Variants in FAR2 observed in about 807,000 individuals in gnomAD.
FAR2 encodes epididymis secretory protein Li 81.
Under a neutral mutation model 56.0 loss-of-function variants are expected in FAR2, and 19 were observed. The observed-to-expected ratio is 0.34, with a 90% CI of 0.24 to 0.50. The LOEUF is 0.50. Ranked by LOEUF, FAR2 falls within the 20% of genes least tolerant of loss-of-function variation. FAR2 has a pLI of 0.98. For missense variants in FAR2, 508 were observed against 642.2 expected (o/e 0.79, Z 2.26); for synonymous variants, 219 against 218.8 (o/e 1.00, Z -0.01).
intron 1 of FAR2, among the ~76,000 whole-genome samples, chr12:29,208,593 G>A (rs974996349): frequency 1.3e-5 from 2 of 152,010 alleles, no homozygotes; most frequent in South Asian, 2.1e-4. Flanking sequence ...GTAATTCTGC[G>A]TTATTCAGGT....
intron 1 of FAR2, among the ~76,000 whole-genome samples, chr12:29,199,609 A>G (rs1947379564): frequency 2.5e-5 from 2 of 79,480 alleles, no homozygotes; most frequent in South Asian, 7.3e-4. Flanking sequence ...CAAAAAAAAA[A>G]AAAAAAGAAA....
At chr12:29,203,999 CAAAAA>C (rs34399942) in intron 1 of FAR2, among the ~76,000 whole-genome samples, 79 of 68,102 alleles carry the variant, frequency 1.2e-3, no homozygotes, top group African/African-American at 4.6e-3. Context: ...GATTCCATCT[CAAAAA>C]AAAAAAAAAA....
chr12:29,155,654 T>C (rs1417245711), intron 1 of FAR2, among the ~76,000 whole-genome samples: 3 of 152,336 alleles, frequency 2.0e-5, no homozygotes, highest in Non-Finnish European at 2.9e-5. Flanking sequence ...ATTTAACGTA[T>C]ATGAAATTTA....
chr12:29,224,603 T>G (rs1382825550), intron 1 of FAR2, among the ~76,000 whole-genome samples: 1 of 152,200 alleles, frequency 6.6e-6, no homozygotes, highest in African/African-American at 2.4e-5. Context: ...AACTTCAAAG[T>G]ACTCAGAAGG....
chr12:29,330,560 T>C (rs531179803), intron 10 of FAR2, among the ~76,000 whole-genome samples: 3 of 152,316 alleles, frequency 2.0e-5, no homozygotes, highest in African/African-American at 4.8e-5. Context: ...AAATATAACA[T>C]TTAATTTGCA....
chr12:29,332,788 G>A, intron 11 of FAR2, 61 bp downstream of exon 11: 1 of 1,470,320 alleles, frequency 6.8e-7, no homozygotes, highest in Non-Finnish European at 9.4e-7. Flanking sequence ...CTTTATACCA[G>A]ACATAACATT....
intron 1 of FAR2, among the ~76,000 whole-genome samples, chr12:29,203,243 C>T (rs1361422450): frequency 1.3e-5 from 2 of 152,170 alleles, no homozygotes; most frequent in Non-Finnish European, 1.5e-5. Flanking sequence ...GACATTCTAA[C>T]AAGCCAGGAC....
chr12:29,315,982 A>T (rs1324472135), intron 8 of FAR2, among the ~76,000 whole-genome samples: 1 of 152,172 alleles, frequency 6.6e-6, no homozygotes. Context: ...TAATGCCACA[A>T]ATGTTTCAAT....
At chr12:29,187,667 T>G (rs1296333776) in intron 1 of FAR2, among the ~76,000 whole-genome samples, 3 of 152,228 alleles carry the variant, frequency 2.0e-5, no homozygotes, top group Non-Finnish European at 2.9e-5. Context: ...TCTACATATA[T>G]TTTTGTGGGT....
chr12:29,254,988 G>C (rs1415618379), intron 1 of FAR2, among the ~76,000 whole-genome samples: 2 of 151,216 alleles, frequency 1.3e-5, no homozygotes, highest in Non-Finnish European at 2.9e-5. Flanking sequence ...AAATTAAATA[G>C]TTGATATCAA....
In FAR2 at chr12:29,325,189, A is replaced by G. The variant is rs558465373; in HGVS notation, c.1257+3265A>G. ...TAATGGTAAAGGGATCAATTCAGCA[A>G]GAAGAGCTAACTATCCTAAATATAT... On this transcript the variant is annotated intron_variant, in intron 10 of 11. Transcript: ENST00000536681. Among the ~76,000 whole-genome samples the G allele has an allele frequency of 7.2e-5, 11 of 152,358 alleles. No individual in the cohort carries two copies. The East Asian group carries it at 2.1e-3, about 29-fold the overall frequency.
intron 1 of FAR2, among the ~76,000 whole-genome samples, chr12:29,236,993 A>G (rs1245564440): frequency 1.3e-5 from 2 of 152,302 alleles, no homozygotes; most frequent in East Asian, 3.9e-4. Flanking sequence ...AAATATAAAG[A>G]AACTTTTTCC....
At chr12:29,285,287 A>C (rs964958037) in intron 2 of FAR2, among the ~76,000 whole-genome samples, 1 of 152,240 alleles carries the variant, frequency 6.6e-6, no homozygotes, top group Non-Finnish European at 1.5e-5. Context: ...AAATCTCTAC[A>C]TAAGGCAAAG....
intron 1 of FAR2, among the ~76,000 whole-genome samples, chr12:29,167,865 G>A (rs1431140680): frequency 6.6e-6 from 1 of 152,164 alleles, no homozygotes; most frequent in Non-Finnish European, 1.5e-5. Context: ...ACTAGAGAGA[G>A]TATCAAAGCA....
intron 1 of FAR2, among the ~76,000 whole-genome samples, chr12:29,179,200 C>G (rs1410375325): frequency 5.3e-5 from 8 of 152,136 alleles, no homozygotes; most frequent in Non-Finnish European, 1.5e-5. Flanking sequence ...GTTAGAACTT[C>G]AACATATTAA....
intron 1 of FAR2, among the ~76,000 whole-genome samples, chr12:29,222,716 AG>A (rs1216148451): frequency 1.3e-5 from 2 of 152,196 alleles, no homozygotes; most frequent in Non-Finnish European, 2.9e-5. Context: ...GGCTTAGTTC[AG>A]AAGAGGAGCC....
chr12:29,327,435 C>T (rs1458246872), intron 10 of FAR2, among the ~76,000 whole-genome samples: 3 of 152,094 alleles, frequency 2.0e-5, no homozygotes, highest in South Asian at 2.1e-4. Flanking sequence ...AAAAAGAGCC[C>T]GCATTGCCAA....
rs148112419 is a variant in FAR2, at chr12:29,175,290, C to T, written c.-39+25883C>T. Among the ~76,000 whole-genome samples the T allele has an allele frequency of 2.8e-3, 422 of 152,290 alleles. 1 individual carries two copies. Among genetic ancestry groups the T allele is most frequent in the African/African-American group, 3.7e-3 (155 of 41,574 alleles). On this transcript the variant is annotated intron_variant, in intron 1 of 11. Transcript: ENST00000536681. ...CTGCAAGAATGAAGCCGCGGACCTT[C>T]GTGGTGAGTGTTACAGCTCTTAAAG...
chr12:29,275,694 G>A (rs993758428), intron 2 of FAR2, among the ~76,000 whole-genome samples: 8 of 152,122 alleles, frequency 5.3e-5, no homozygotes, highest in South Asian at 2.1e-4. Context: ...TAGACGTTTC[G>A]TGTTAGTCTG....
Sources: allele counts gnomAD v4.1 joint callset (sites outside exome capture counted in the v4.1 genomes callset), GRCh38; gene constraint gnomAD v4.1.1; transcripts MANE v1.5; gene names NCBI Gene and HGNC (gene_info 2026-07-23, HGNC 2026-07-21).